The following SGCZ variants were observed in gnomAD, a reference collection of about 807,000 sequenced individuals.
SGCZ encodes the protein sarcoglycan zeta, also known as zeta-sarcoglycan.
In SGCZ, 40 loss-of-function variants were observed where a neutral mutation model predicts 41.3. The observed-to-expected ratio is 0.97, with a 90% CI of 0.75 to 1.26. The LOEUF (loss-of-function observed/expected upper bound fraction) is 1.26, where lower values mean the gene tolerates loss of function less well. Among genes scored for constraint, SGCZ ranks in the 50% most tolerant of loss-of-function variants. The pLI, the probability that SGCZ is intolerant of heterozygous loss-of-function variation, is 0.00. For missense variants in SGCZ, 552 were observed against 369.8 expected (o/e 1.49, Z -4.04); for synonymous variants, 206 against 137.5 (o/e 1.50, Z -3.49).
intron 2 of SGCZ, among the ~76,000 whole-genome samples, chr8:14,513,542 A>G (rs934594857): frequency 1.0e-5 from 1 of 95,282 alleles, no homozygotes; most frequent in African/African-American, 4.7e-5. Flanking sequence ...CATTAAAACA[A>G]CTCTAGATCT....
intron 1 of SGCZ, among the ~76,000 whole-genome samples, chr8:15,101,138 A>G (rs1806596507): frequency 6.6e-6 from 1 of 152,222 alleles, no homozygotes; most frequent in Non-Finnish European, 1.5e-5. Flanking sequence ...ACTCAAGACT[A>G]TGAGACATCT....
At chr8:14,140,588 A>G (rs964436370) in intron 5 of SGCZ, among the ~76,000 whole-genome samples, 4 of 152,182 alleles carry the variant, frequency 2.6e-5, no homozygotes, top group African/African-American at 4.8e-5. Context: ...AAAGAGAATA[A>G]AATACCTAGG....
At chr8:14,450,905 T>A (rs1488119556) in intron 2 of SGCZ, among the ~76,000 whole-genome samples, 1 of 152,104 alleles carries the variant, frequency 6.6e-6, no homozygotes, top group Non-Finnish European at 1.5e-5. Context: ...TCTAGCAACA[T>A]CCACTGAAAT....
intron 1 of SGCZ, among the ~76,000 whole-genome samples, chr8:14,880,266 C>A (rs1046384613): frequency 1.3e-5 from 2 of 152,124 alleles, no homozygotes; most frequent in Non-Finnish European, 2.9e-5. Context: ...CCATCTCACA[C>A]CAGTTAGAAT....
chr8:14,977,705 TC>T (rs1443504151), intron 1 of SGCZ, among the ~76,000 whole-genome samples: 1 of 152,046 alleles, frequency 6.6e-6, no homozygotes, highest in Non-Finnish European at 1.5e-5. Flanking sequence ...AAAAGTTCAA[TC>T]CCAAGACTCA....
intron 4 of SGCZ, among the ~76,000 whole-genome samples, chr8:14,187,287 G>T (rs545174452): frequency 1.3e-5 from 2 of 152,206 alleles, no homozygotes; most frequent in African/African-American, 4.8e-5. Context: ...ATTTTCCAAT[G>T]TTCAACAAAA....
chr8:14,531,595 C>A (rs1803134790), intron 2 of SGCZ, among the ~76,000 whole-genome samples: 1 of 152,014 alleles, frequency 6.6e-6, no homozygotes, highest in Admixed American at 6.6e-5. Context: ...TCTAAAATAA[C>A]CCTGAGAATT....
rs1168778028 is a variant in SGCZ, at chr8:14,282,847, C to CTTTTTTTT, written c.336+41248_336+41255dup. On this transcript the variant is annotated intron_variant, in intron 3 of 7. Coordinates refer to ENST00000382080, the MANE Select transcript of SGCZ (RefSeq NM_139167.4). ...CATTATAATCATTCTCTTTCAAATA[C>CTTTTTTTT]TTTTTTTTTTTTTTTTTTTTGAGAC... 5.6e-3 allele frequency among the ~76,000 whole-genome samples: 502 copies of CTTTTTTTT among 89,892 alleles called. 22 individuals are homozygous for CTTTTTTTT. The highest frequency in any genetic ancestry group is 7.3e-3 in the East Asian group (21 of 2,894). 59.0% of individuals were successfully genotyped at this position (89,892 alleles called of 152,430 possible). A position where few individuals can be genotyped will look rare whatever the true frequency, so the allele number is the denominator to read the frequency against.
intron 1 of SGCZ, among the ~76,000 whole-genome samples, chr8:15,014,182 G>T (rs1802938458): frequency 6.6e-6 from 1 of 152,192 alleles, no homozygotes; most frequent in African/African-American, 2.4e-5. Context: ...CACTGTGGTA[G>T]CTGAGAAGCT....
At chr8:15,198,557 T>TA (rs1800803213) in intron 1 of SGCZ, among the ~76,000 whole-genome samples, 1 of 152,116 alleles carries the variant, frequency 6.6e-6, no homozygotes. Flanking sequence ...TACTTTAGAA[T>TA]AAAAAAGAAA....
chr8:14,599,049 G>A (rs539456968), intron 1 of SGCZ, among the ~76,000 whole-genome samples: 1 of 152,064 alleles, frequency 6.6e-6, no homozygotes, highest in Non-Finnish European at 1.5e-5. Flanking sequence ...CTCCTCCAAT[G>A]ATATTGTGGT....
At position 14,440,573 on chromosome 8, in the gene SGCZ, A is replaced by C. The variant is rs1022909800; in HGVS notation, c.234+114159T>G. ...AGCTTCATCTAATATCTCTATTTTC[A>C]TAAGTCACCTATGTGTAATTGTTAA... On this transcript the variant is annotated intron_variant, in intron 2 of 7. Transcript: ENST00000382080. Among the ~76,000 whole-genome samples the C allele has an allele frequency of 2.0e-5, 3 of 152,100 alleles. 1 individual carries two copies. In the South Asian group the frequency reaches 6.2e-4, roughly 31 times the overall value.
At chr8:14,578,471 C>A (rs62498439) in intron 1 of SGCZ, among the ~76,000 whole-genome samples, 4,782 of 152,214 alleles carry the variant, frequency 0.031, 94 homozygotes, top group Non-Finnish European at 0.045. Context: ...TCTGTGACCA[C>A]ATGACTAAAT....
At chr8:14,402,366 G>A (rs1222037850) in intron 2 of SGCZ, among the ~76,000 whole-genome samples, 8 of 151,812 alleles carry the variant, frequency 5.3e-5, no homozygotes, top group Non-Finnish European at 1.0e-4. Context: ...CCTTGCCCAT[G>A]CCTATGTCCT....
chr8:15,213,589 C>G (rs1003002889), intron 1 of SGCZ, among the ~76,000 whole-genome samples: 2 of 151,392 alleles, frequency 1.3e-5, no homozygotes, highest in East Asian at 3.9e-4. Context: ...ATCCTAATTG[C>G]TTTTATAAGA....
chr8:14,813,531 G>C (rs781301141), intron 1 of SGCZ, among the ~76,000 whole-genome samples: 1 of 152,158 alleles, frequency 6.6e-6, no homozygotes, highest in Non-Finnish European at 1.5e-5. Context: ...AAGACTAACA[G>C]GGAAAATCGT....
intron 1 of SGCZ, among the ~76,000 whole-genome samples, chr8:14,731,105 G>A (rs1037249558): frequency 7.2e-5 from 11 of 151,730 alleles, no homozygotes; most frequent in African/African-American, 2.4e-4. Flanking sequence ...TTGTGGCACT[G>A]TTCATAATAG....
At chr8:15,085,789 T>TG (rs1197344633) in intron 1 of SGCZ, among the ~76,000 whole-genome samples, 1 of 152,190 alleles carries the variant, frequency 6.6e-6, no homozygotes, top group African/African-American at 2.4e-5. Flanking sequence ...AAGGGACTCC[T>TG]GTCTACATTT....
At chr8:14,243,601 C>T (rs1798969332) in intron 3 of SGCZ, among the ~76,000 whole-genome samples, 1 of 152,172 alleles carries the variant, frequency 6.6e-6, no homozygotes, top group South Asian at 2.1e-4. Flanking sequence ...ATCTCTACTT[C>T]ACCTCACTTC....
Sources: gnomAD v4.1 joint callset for allele counts (sites outside exome capture counted in the v4.1 genomes callset) on GRCh38, gnomAD v4.1.1 for gene constraint, MANE v1.5 for transcripts, NCBI Gene and HGNC (gene_info 2026-07-23, HGNC 2026-07-21) for gene names.